XPO4: variants seen among roughly 807,000 people sequenced by gnomAD.
XPO4 encodes the protein exportin-4.
In XPO4, 39 loss-of-function variants were observed where a neutral mutation model predicts 143.0. That is an observed-to-expected ratio of 0.27 (90% confidence interval 0.21 to 0.36). The LOEUF (loss-of-function observed/expected upper bound fraction) is 0.36. XPO4 is among the 10% of genes least tolerant of loss of function. XPO4 has a pLI of 1.00. For synonymous variants in XPO4, 439 were observed against 474.0 expected (o/e 0.93, Z 0.96); for missense variants, 907 against 1,348.0 (o/e 0.67, Z 5.12).
intron 1 of XPO4, among the ~76,000 whole-genome samples, chr13:20,893,884 C>T (rs1269891174): frequency 6.6e-6 from 1 of 152,084 alleles, no homozygotes; most frequent in South Asian, 2.1e-4. Context: ...GCTCTTGTTG[C>T]CCAGGCTGGA....
At chr13:20,821,040 G>A (rs369885479) in intron 9 of XPO4, among the ~76,000 whole-genome samples, 1 of 152,010 alleles carries the variant, frequency 6.6e-6, no homozygotes, top group African/African-American at 2.4e-5. Context: ...TGTTACAAAA[G>A]CAGCTGTGTC....
rs1303159819 is a variant in XPO4, at chr13:20,777,335, TTAAA to T, written c.*6383_*6386del. 2 of 152,222 alleles carry T rather than the reference TTAAA, an allele frequency of 1.3e-5. No individual in the cohort carries two copies. Among genetic ancestry groups the T allele is most frequent in the African/African-American group, 2.4e-5 (1 of 41,452 alleles). 9.4% of individuals were successfully genotyped at this position (152,222 alleles called of 1,614,324 possible). A position where few individuals can be genotyped will look rare whatever the true frequency, so the allele number is the denominator to read the frequency against. Reference sequence around the variant, plus strand: ...TGAAATCTGTTTTCAGAAATAATCTTTAAATACAATGGAATTTATTGAGCATCTA... The same window carrying T: ...TGAAATCTGTTTTCAGAAATAATCTTTACAATGGAATTTATTGAGCATCTA... On this transcript the variant is annotated 3_prime_UTR_variant, in exon 23 of 23. Transcript: ENST00000255305.
intron 6 of XPO4, among the ~76,000 whole-genome samples, chr13:20,834,099 A>C (rs970197968): frequency 6.6e-6 from 1 of 152,176 alleles, no homozygotes; most frequent in African/African-American, 2.4e-5. Flanking sequence ...TTTAACATCT[A>C]CCAAATCACA....
intron 4 of XPO4, among the ~76,000 whole-genome samples, chr13:20,844,395 A>G (rs1315108796): frequency 6.6e-6 from 1 of 152,146 alleles, no homozygotes; most frequent in Non-Finnish European, 1.5e-5. Context: ...TAGCCAGGTA[A>G]TACCCAAAAG....
chr13:20,787,372 C>T, intron 21 of XPO4, 109 bp downstream of exon 21: 1 of 1,050,772 alleles, frequency 9.5e-7, no homozygotes, highest in South Asian at 1.4e-5. Context: ...TCATGGTTTC[C>T]TTGCCCCCGA....
rs191899569 is a variant in XPO4, at chr13:20,842,194, T to C, written c.727+701A>G. On this transcript the variant is annotated intron_variant, in intron 6 of 22. Coordinates refer to ENST00000255305, the MANE Select transcript of XPO4 (RefSeq NM_022459.5). ...GAGCAGAGCCTTGAATCCAGATCTATTGGACTTTACACAACAAATGGGTAG... is the reference window on the plus strand; with the variant it reads ...GAGCAGAGCCTTGAATCCAGATCTACTGGACTTTACACAACAAATGGGTAG... 8.5e-5 allele frequency among the ~76,000 whole-genome samples: 13 copies of C among 152,322 alleles called. No individual in the cohort carries two copies. The East Asian group carries it at 1.7e-3, about 20-fold the overall frequency.
rs1342879753 is a variant in XPO4 at position 20,790,596 on chromosome 13, G to A, written c.2798-16C>T. 1.9e-6 allele frequency: 3 copies of A among 1,595,722 alleles called. No homozygotes were observed. Among genetic ancestry groups the A allele is most frequent in the East Asian group, 2.2e-5 (1 of 44,700 alleles). ...AACACTTCATCTATTAAAATAAAAG[G>A]ATGCAGGCTTATGGTGGTAACATCA... On this transcript the variant is annotated splice_polypyrimidine_tract_variant and intron_variant, in intron 18 of 22. Coordinates refer to ENST00000255305, the MANE Select transcript of XPO4 (RefSeq NM_022459.5).
intron 6 of XPO4, among the ~76,000 whole-genome samples, chr13:20,828,978 T>C (rs1437165741): frequency 9.9e-5 from 15 of 152,244 alleles, no homozygotes; most frequent in Non-Finnish European, 4.4e-5. Context: ...CAAGACTGGC[T>C]GTTTAAAGCT....
chr13:20,806,638 T>C (rs1013008722), intron 13 of XPO4, among the ~76,000 whole-genome samples: 16 of 135,734 alleles, frequency 1.2e-4, no homozygotes, highest in Admixed American at 6.6e-4. Flanking sequence ...CTGCAACCTC[T>C]GCCTCCTGGG....
At chr13:20,861,077 T>A (rs1000826243) in intron 3 of XPO4, among the ~76,000 whole-genome samples, 7 of 152,178 alleles carry the variant, frequency 4.6e-5, no homozygotes, top group African/African-American at 1.7e-4. Context: ...TATGTGTATG[T>A]TTATTGCCAT....
At chr13:20,819,024 TG>T (rs2059686012) in intron 9 of XPO4, among the ~76,000 whole-genome samples, 1 of 152,118 alleles carries the variant, frequency 6.6e-6, no homozygotes, top group Non-Finnish European at 1.5e-5. Flanking sequence ...GGTTTTGCCA[TG>T]TTTGGCAGGC....
intron 8 of XPO4, 114 bp from the exon 9 acceptor site, chr13:20,821,992 CTGTT>C: frequency 7.3e-7 from 1 of 1,367,138 alleles, no homozygotes; most frequent in Non-Finnish European, 9.8e-7. Flanking sequence ...AGGTATGTCT[CTGTT>C]TATTAATTTC....
At chr13:20,858,529 G>A (rs2060166377) in intron 3 of XPO4, among the ~76,000 whole-genome samples, 2 of 152,056 alleles carry the variant, frequency 1.3e-5, no homozygotes, top group Non-Finnish European at 2.9e-5. Flanking sequence ...ATTCTGGCCT[G>A]GGCAACACAG....
chr13:20,872,834 C>T (rs2060313010), intron 1 of XPO4, among the ~76,000 whole-genome samples: 2 of 152,222 alleles, frequency 1.3e-5, no homozygotes, highest in East Asian at 1.9e-4. Context: ...ATTCTTAAGG[C>T]TGTCTGGTAG....
chr13:20,902,633 C>T, intron 1 of XPO4, 37 bp downstream of exon 1: 1 of 1,523,048 alleles, frequency 6.6e-7, no homozygotes, highest in East Asian at 2.6e-5. Flanking sequence ...ACCGGGGGCC[C>T]GCGAATCCCG....
chr13:20,783,482 A>T lies in XPO4; in HGVS notation c.*240T>A, dbSNP rs760635756. 2.6e-5 allele frequency: 14 copies of T among 530,218 alleles called. No individual in the cohort carries two copies. The South Asian group carries it at 3.1e-4, about 12-fold the overall frequency. The allele number at this position is 530,218 out of a possible 1,614,324, so 32.8% of individuals were successfully genotyped here. ...ATGGAATTTCATTTTGAAAATTTTA[A>T]ATCACCATTCAGAATCTAAAAGACA... On this transcript the variant is annotated 3_prime_UTR_variant, in exon 23 of 23. Transcript: ENST00000255305.
At chr13:20,789,901 T>A (rs1038406427) in intron 19 of XPO4, among the ~76,000 whole-genome samples, 1 of 151,504 alleles carries the variant, frequency 6.6e-6, no homozygotes, top group African/African-American at 2.4e-5. Flanking sequence ...TTACGGATGG[T>A]AGAAAAAAGT....
At chr13:20,897,671 T>C (rs981504835) in intron 1 of XPO4, among the ~76,000 whole-genome samples, 1 of 152,214 alleles carries the variant, frequency 6.6e-6, no homozygotes, top group African/African-American at 2.4e-5. Flanking sequence ...TGGCCAGAAA[T>C]TGGATTCCAG....
In XPO4 at chr13:20,803,102, C is replaced by T. The variant is rs2059457014; in HGVS notation, c.1818-2112G>A. On this transcript the variant is annotated intron_variant, in intron 13 of 22. Transcript: ENST00000255305. The surrounding 1 kb of genome is among the most constrained non-coding windows in gnomAD (Gnocchi z 4.1). ...CTGAGAAAACTTCATATAAGTAGAA[C>T]CTATTTTTAAAATCGCAGAGTACCC... Among the ~76,000 whole-genome samples, 1 of 152,132 alleles carries T rather than the reference C, an allele frequency of 6.6e-6. No individual in the cohort carries two copies. The highest frequency in any genetic ancestry group is 1.5e-5 in the Non-Finnish European group (1 of 68,016).
Sources: allele counts gnomAD v4.1 joint callset (sites outside exome capture counted in the v4.1 genomes callset), GRCh38; gene constraint gnomAD v4.1.1; non-coding constraint Gnocchi (gnomAD v3.1); transcripts MANE v1.5; gene names NCBI Gene and HGNC (gene_info 2026-07-23, HGNC 2026-07-21).